The following NAALADL2 variants were observed in gnomAD, a reference collection of about 807,000 sequenced individuals.
NAALADL2 encodes inactive N-acetylated-alpha-linked acidic dipeptidase-like protein 2.
NAALADL2 carries 76 observed loss-of-function variants against 87.2 expected under a neutral mutation model. The ratio of observed to expected loss-of-function variants is 0.87; its 90% confidence interval spans 0.72 to 1.05. The LOEUF is 1.05. Among genes scored for constraint, NAALADL2 ranks in the 50% least tolerant of loss-of-function variants. The pLI is 0.00. For missense variants in NAALADL2, 1,089 were observed against 945.8 expected (o/e 1.15, Z -1.99); for synonymous variants, 354 against 331.0 (o/e 1.07, Z -0.75).
At chr3:175,489,222 T>C in intron 9 of NAALADL2, among the ~76,000 whole-genome samples, 3 of 152,228 alleles carry the variant, frequency 2.0e-5, no homozygotes, top group Admixed American at 2.0e-4. Context: ...TACTATTATA[T>C]TAAAAAAAAT....
chr3:175,526,322 G>A (rs1733412853), intron 9 of NAALADL2, among the ~76,000 whole-genome samples: 2 of 152,132 alleles, frequency 1.3e-5, no homozygotes, highest in Admixed American at 6.6e-5. Flanking sequence ...ATGTTAGCTA[G>A]AACTGACCCT....
intron 1 of NAALADL2, among the ~76,000 whole-genome samples, chr3:174,873,235 T>C (rs947434678): frequency 3.2e-4 from 24 of 75,908 alleles, no homozygotes; most frequent in Middle Eastern, 7.5e-3. Flanking sequence ...ATGTCTTTAT[T>C]TATTTATTTA....
intron 3 of NAALADL2, among the ~76,000 whole-genome samples, chr3:174,833,295 T>C (rs1393583612): frequency 6.6e-6 from 1 of 152,200 alleles, no homozygotes; most frequent in African/African-American, 2.4e-5. Flanking sequence ...TGTAAATTCA[T>C]TGAACATCTC....
At chr3:174,882,820 TATATATACAC>T in intron 1 of NAALADL2, among the ~76,000 whole-genome samples, 1 of 140,712 alleles carries the variant, frequency 7.1e-6, no homozygotes. Context: ...TGCATATGTG[TATATATACAC>T]GTGTGTATAT....
At chr3:175,694,123 A>G (rs1737421251) in intron 11 of NAALADL2, among the ~76,000 whole-genome samples, 1 of 152,144 alleles carries the variant, frequency 6.6e-6, no homozygotes, top group African/African-American at 2.4e-5. Context: ...ATTTGTTTTT[A>G]TGGCATCAGC....
chr3:175,600,082 C>A (rs1375811253), intron 10 of NAALADL2, among the ~76,000 whole-genome samples: 2 of 151,648 alleles, frequency 1.3e-5, no homozygotes, highest in Non-Finnish European at 2.9e-5. Flanking sequence ...AGACATATAT[C>A]ATTTTATATA....
At chr3:175,791,292 C>A (rs1752747368) in intron 13 of NAALADL2, among the ~76,000 whole-genome samples, 1 of 152,066 alleles carries the variant, frequency 6.6e-6, no homozygotes, top group East Asian at 1.9e-4. Context: ...TTTTGAGTGC[C>A]TGATATCAAA....
intron 3 of NAALADL2, among the ~76,000 whole-genome samples, chr3:174,820,487 CAG>C (rs1398309836): frequency 6.6e-6 from 1 of 152,078 alleles, no homozygotes; most frequent in African/African-American, 2.4e-5. Context: ...GTCCTATAAA[CAG>C]TGAGTATATC....
chr3:175,612,461 C>A (rs1235916007), intron 10 of NAALADL2, among the ~76,000 whole-genome samples: 1 of 152,162 alleles, frequency 6.6e-6, no homozygotes, highest in Non-Finnish European at 1.5e-5. Flanking sequence ...GTACTCTCTT[C>A]CTATTCTTGG....
chr3:174,973,062 T>C (rs1400110201), intron 1 of NAALADL2, among the ~76,000 whole-genome samples: 1 of 151,874 alleles, frequency 6.6e-6, no homozygotes, highest in Non-Finnish European at 1.5e-5. Flanking sequence ...CTAGAAGGCA[T>C]ATAGCACTGT....
At chr3:175,367,291 C>G (rs1481069194) in intron 5 of NAALADL2, among the ~76,000 whole-genome samples, 1 of 151,656 alleles carries the variant, frequency 6.6e-6, no homozygotes, top group South Asian at 2.1e-4. Flanking sequence ...AGTCAGGTAG[C>G]ATGATGCCTC....
At chr3:175,541,680 A>G (rs1391564325) in intron 9 of NAALADL2, among the ~76,000 whole-genome samples, 1 of 151,750 alleles carries the variant, frequency 6.6e-6, no homozygotes, top group Non-Finnish European at 1.5e-5. Context: ...CCCCTCAAAT[A>G]CCCTAAGGCC....
intron 9 of NAALADL2, among the ~76,000 whole-genome samples, chr3:175,513,938 C>T (rs1465393026): frequency 2.0e-5 from 3 of 152,230 alleles, no homozygotes; most frequent in African/African-American, 4.8e-5. Flanking sequence ...ATATGGGAGA[C>T]AAAGCTAGAC....
chr3:175,240,075 A>G (rs1216372699), intron 3 of NAALADL2, among the ~76,000 whole-genome samples: 1 of 152,224 alleles, frequency 6.6e-6, no homozygotes, highest in Non-Finnish European at 1.5e-5. Flanking sequence ...CTCTTTAACA[A>G]GACAAATACG....
At chr3:175,490,201 T>G (rs956004137) in intron 9 of NAALADL2, among the ~76,000 whole-genome samples, 1 of 152,168 alleles carries the variant, frequency 6.6e-6, no homozygotes, top group Non-Finnish European at 1.5e-5. Flanking sequence ...CCTTCTTTGC[T>G]GTAATGGTGT....
intron 1 of NAALADL2, among the ~76,000 whole-genome samples, chr3:174,968,060 C>A (rs1743116968): frequency 6.6e-6 from 1 of 152,176 alleles, no homozygotes. Context: ...GTATCTGAAA[C>A]ATAGGAGTAT....
intron 1 of NAALADL2, among the ~76,000 whole-genome samples, chr3:174,514,284 G>A (rs1326561803): frequency 1.3e-5 from 2 of 152,052 alleles, no homozygotes; most frequent in African/African-American, 2.4e-5. Flanking sequence ...GGCTGTGGTC[G>A]CACTTCACAT....
intron 4 of NAALADL2, among the ~76,000 whole-genome samples, chr3:175,278,993 T>A (rs368821614): frequency 2.7e-3 from 417 of 152,286 alleles, no homozygotes; most frequent in African/African-American, 9.3e-3. Context: ...ACATTCTAGA[T>A]GAAGTGAGCA....
intron 2 of NAALADL2, among the ~76,000 whole-genome samples, chr3:175,144,528 T>C (rs55819558): frequency 0.38 from 57,285 of 151,504 alleles, 11,945 homozygotes; most frequent in East Asian, 0.58. Context: ...ACAGAAAGAG[T>C]GAAACTTTCT....
Sources: gnomAD v4.1 joint callset for allele counts (sites outside exome capture counted in the v4.1 genomes callset) on GRCh38, gnomAD v4.1.1 for gene constraint, MANE v1.5 for transcripts, NCBI Gene and HGNC (gene_info 2026-07-23, HGNC 2026-07-21) for gene names.